The following GPC6 variants were observed in gnomAD, a reference collection of about 807,000 sequenced individuals.
The protein encoded by GPC6 is glypican 6.
A neutral mutation model predicts 55.2 loss-of-function variants in GPC6; 14 were observed. The observed-to-expected ratio is 0.25, with a 90% confidence interval of 0.17 to 0.40. The LOEUF (loss-of-function observed/expected upper bound fraction) is 0.40. Ranked by LOEUF, GPC6 falls within the 10% of genes least tolerant of loss-of-function variation. GPC6 has a pLI of 1.00. For synonymous variants in GPC6, 278 were observed against 259.6 expected, an observed-to-expected ratio of 1.07 and a Z score of -0.68; for missense variants, 641 against 708.5, an observed-to-expected ratio of 0.90 and a Z score of 1.08.
chr13:93,867,231 C>CTAGAAAACTCTTTG (rs1888992115), intron 3 of GPC6, among the ~76,000 whole-genome samples: 1 of 151,628 alleles, frequency 6.6e-6, no homozygotes, highest in South Asian at 2.1e-4. Context: ...ACAGTTTGTT[C>CTAGAAAACTCTTTG]TAGAAAACTC....
intron 2 of GPC6, among the ~76,000 whole-genome samples, chr13:93,635,354 T>C (rs1209366800): frequency 1.3e-5 from 2 of 152,178 alleles, no homozygotes; most frequent in Non-Finnish European, 2.9e-5. Flanking sequence ...AAATTTGTCA[T>C]GAAATATTGA....
At chr13:93,303,231 G>C (rs1384408142) in intron 1 of GPC6, among the ~76,000 whole-genome samples, 1 of 152,056 alleles carries the variant, frequency 6.6e-6, no homozygotes, top group Admixed American at 6.6e-5. Context: ...AAATTTTACT[G>C]TCCCTCAGTT....
intron 2 of GPC6, among the ~76,000 whole-genome samples, chr13:93,597,131 A>G (rs576022091): frequency 3.5e-4 from 53 of 151,982 alleles, no homozygotes; most frequent in Non-Finnish European, 6.6e-4. Flanking sequence ...GCCAACCCGT[A>G]TTAGAAAGGG....
intron 6 of GPC6, among the ~76,000 whole-genome samples, chr13:94,318,186 T>G (rs1876635175): frequency 6.6e-6 from 1 of 152,140 alleles, no homozygotes; most frequent in African/African-American, 2.4e-5. Flanking sequence ...TTATGTATTT[T>G]TACTGATTTT....
At chr13:93,632,618 T>TGTGTGTATATATATAG (rs113081453) in intron 2 of GPC6, among the ~76,000 whole-genome samples, 30 of 71,538 alleles carry the variant, frequency 4.2e-4, no homozygotes, top group Admixed American at 1.4e-3. Flanking sequence ...TATATATATG[T>TGTGTGTATATATATAG]ATATATATAT....
Position 94,027,771 on chromosome 13 carries a change from C to T in GPC6, c.754C>T (p.Leu252=). 6.2e-7 allele frequency: 1 copy of T among 1,614,010 alleles called. No homozygotes were observed. The highest frequency in any genetic ancestry group is 1.1e-5 in the South Asian group (1 of 91,082). ...GTGTATCCGTGCCCTCATGAAGATGCTGTACTGCCCATACTGTCGGGGGCT... is the reference window on the plus strand; with the variant it reads ...GTGTATCCGTGCCCTCATGAAGATGTTGTACTGCCCATACTGTCGGGGGCT... ...PGCIRALMKM[L]YCPYCRGLPT... The change falls in exon 4 of 9, where the codon CTG becomes TTG. Residue 252 remains leucine, a synonymous_variant. Coordinates refer to ENST00000377047, the MANE Select transcript of GPC6 (RefSeq NM_005708.5).
intron 3 of GPC6, among the ~76,000 whole-genome samples, chr13:93,888,472 A>G (rs1303063713): frequency 6.6e-6 from 1 of 152,188 alleles, no homozygotes; most frequent in African/African-American, 2.4e-5. Flanking sequence ...CCAGGAGATT[A>G]AAACCAATAT....
At chr13:93,429,699 A>C (rs1292343789) in intron 1 of GPC6, among the ~76,000 whole-genome samples, 1 of 152,142 alleles carries the variant, frequency 6.6e-6, no homozygotes, top group Non-Finnish European at 1.5e-5. Context: ...ACGACTTTTT[A>C]GTTGAATTCG....
intron 1 of GPC6, among the ~76,000 whole-genome samples, chr13:93,250,148 A>G (rs1476715234): frequency 6.6e-6 from 1 of 152,144 alleles, no homozygotes; most frequent in Non-Finnish European, 1.5e-5. Flanking sequence ...AGCAATTCCT[A>G]TCTCTCATCA....
At chr13:93,854,341 C>T (rs1185755030) in intron 3 of GPC6, among the ~76,000 whole-genome samples, 3 of 151,554 alleles carry the variant, frequency 2.0e-5, no homozygotes, top group Non-Finnish European at 4.4e-5. Flanking sequence ...CTATTTTTTT[C>T]ACGATAGTAG....
intron 3 of GPC6, among the ~76,000 whole-genome samples, chr13:93,880,522 C>T (rs1346800396): frequency 1.3e-5 from 2 of 151,996 alleles, no homozygotes; most frequent in Non-Finnish European, 2.9e-5. Flanking sequence ...CATGAGATCA[C>T]ATGGACACAG....
At chr13:94,115,834 CATT>C (rs1306239937) in intron 4 of GPC6, among the ~76,000 whole-genome samples, 2 of 152,034 alleles carry the variant, frequency 1.3e-5, no homozygotes, top group African/African-American at 4.8e-5. Context: ...TTATAAATCA[CATT>C]ATAGTAAATA....
intron 2 of GPC6, among the ~76,000 whole-genome samples, chr13:93,689,518 C>A (rs375093963): frequency 6.6e-6 from 1 of 151,958 alleles, no homozygotes; most frequent in African/African-American, 2.4e-5. Context: ...AAATGTATGG[C>A]ATTTTAATAG....
intron 1 of GPC6, among the ~76,000 whole-genome samples, chr13:93,262,240 T>C (rs1566545153): frequency 6.6e-6 from 1 of 152,100 alleles, no homozygotes; most frequent in Non-Finnish European, 1.5e-5. Flanking sequence ...GTGACAATTA[T>C]TTTGGAAATA....
intron 6 of GPC6, among the ~76,000 whole-genome samples, chr13:94,318,888 A>G (rs1215257383): frequency 1.3e-5 from 2 of 152,130 alleles, no homozygotes; most frequent in Non-Finnish European, 1.5e-5. Flanking sequence ...TTCCAATATT[A>G]ATGTAGTTAC....
intron 1 of GPC6, among the ~76,000 whole-genome samples, chr13:93,496,386 G>T (rs182301432): frequency 6.6e-6 from 1 of 152,092 alleles, no homozygotes; most frequent in Non-Finnish European, 1.5e-5. Flanking sequence ...TTCGGCTCGC[G>T]CACCCACTGG....
At chr13:94,245,194 T>C (rs1891160743) in intron 4 of GPC6, among the ~76,000 whole-genome samples, 2 of 152,114 alleles carry the variant, frequency 1.3e-5, no homozygotes, top group South Asian at 2.1e-4. Flanking sequence ...CCAATCCTGG[T>C]AACTACTGTT....
At position 94,135,224 on chromosome 13, in the gene GPC6, A is replaced by G. The variant is rs573677414; in HGVS notation, c.877+107330A>G. On this transcript the variant is annotated intron_variant, in intron 4 of 8. Coordinates refer to ENST00000377047, the MANE Select transcript of GPC6 (RefSeq NM_005708.5). ...ATGGGCTACCGGAGCTGTATTACAG[A>G]TTAGCTTTATCTAATGTAAGCTAGT... Among the ~76,000 whole-genome samples the G allele has an allele frequency of 8.5e-4, 127 of 149,762 alleles. 1 individual carries two copies. In the South Asian group the frequency reaches 0.01, roughly 12 times the overall value.
At chr13:94,321,942 A>G (rs1876848660) in intron 6 of GPC6, among the ~76,000 whole-genome samples, 1 of 152,230 alleles carries the variant, frequency 6.6e-6, no homozygotes, top group Admixed American at 6.5e-5. Flanking sequence ...TGACCTTCAG[A>G]GAGGCAAACT....
Sources: gnomAD v4.1 joint callset for allele counts (sites outside exome capture counted in the v4.1 genomes callset) on GRCh38, gnomAD v4.1.1 for gene constraint, MANE v1.5 for transcripts, NCBI Gene and HGNC (gene_info 2026-07-23, HGNC 2026-07-21) for gene names.